HPSE2: variants seen among roughly 807,000 people sequenced by gnomAD.
HPSE2 encodes the protein heparanase 2 (inactive).
In HPSE2, 38 loss-of-function variants were observed where a neutral mutation model predicts 60.5. That is an observed-to-expected ratio of 0.63 (90% confidence interval 0.48 to 0.82). The LOEUF is 0.82. Among genes scored for constraint, HPSE2 ranks in the 40% least tolerant of loss-of-function variants. HPSE2 has a pLI of 0.00. For missense variants in HPSE2, 713 were observed against 740.4 expected (o/e 0.96, Z 0.43); for synonymous variants, 295 against 293.2 (o/e 1.01, Z -0.06).
At position 98,936,237 on chromosome 10, in the gene HPSE2, G is replaced by A. The variant is rs983856872; in HGVS notation, c.611-192181C>T. ...AAGCCAGTGGTTCTTAGCTTGCTAGGCTCCATGGGAGTGGGACCCACTGAG... is the reference window on the plus strand; with the variant it reads ...AAGCCAGTGGTTCTTAGCTTGCTAGACTCCATGGGAGTGGGACCCACTGAG... On this transcript the variant is annotated intron_variant, in intron 3 of 11. Transcript: ENST00000370552. Among the ~76,000 whole-genome samples, 25 of 144,280 alleles carry A rather than the reference G, an allele frequency of 1.7e-4. 7 individuals are homozygous for A. The highest frequency in any genetic ancestry group is 7.0e-4 in the African/African-American group (25 of 35,588). 94.7% of individuals were successfully genotyped at this position (144,280 alleles called of 152,430 possible).
chr10:98,792,020 C>T (rs1035965108), intron 3 of HPSE2, among the ~76,000 whole-genome samples: 18 of 152,186 alleles, frequency 1.2e-4, no homozygotes, highest in East Asian at 1.9e-4. Flanking sequence ...ACCTGTCTCC[C>T]GAACAGCATG....
chr10:98,891,596 T>C (rs1316355289), intron 3 of HPSE2, among the ~76,000 whole-genome samples: 2 of 151,820 alleles, frequency 1.3e-5, no homozygotes, highest in Non-Finnish European at 2.9e-5. Flanking sequence ...CTATTAGGCA[T>C]GTACCACCAT....
the HPSE2 span, among the ~76,000 whole-genome samples, chr10:99,247,066 A>C: frequency 3.3e-5 from 5 of 152,344 alleles, no homozygotes; most frequent in Admixed American, 6.5e-5. Flanking sequence ...TTTAGAGAGT[A>C]GGAAGTATCT....
At chr10:98,676,567 C>A (rs1386241010) in intron 6 of HPSE2, among the ~76,000 whole-genome samples, 1 of 152,086 alleles carries the variant, frequency 6.6e-6, no homozygotes, top group Non-Finnish European at 1.5e-5. Context: ...TAACTGATGA[C>A]CTGCAGTGAA....
rs562946052 is a variant in HPSE2 at position 99,169,504 on chromosome 10, C to CAAAAAA, written c.449-25111_449-25106dup. The stretch of plus-strand genomic sequence containing the variant: ...TGGGTGACAGAGCAAGACTCCGTCT[C>CAAAAAA]AAAAAAAAAAAAAAAAAAAAAAAAA... On this transcript the variant is annotated intron_variant, in intron 2 of 11. Transcript: ENST00000370552. Among the ~76,000 whole-genome samples, 17 of 54,732 alleles carry CAAAAAA rather than the reference C, an allele frequency of 3.1e-4. 1 individual carries two copies. The highest frequency in any genetic ancestry group is 2.1e-3 in the East Asian group (3 of 1,424). The allele number at this position is 54,732 out of a possible 152,430, so 35.9% of individuals were successfully genotyped here.
intron 3 of HPSE2, among the ~76,000 whole-genome samples, chr10:98,935,216 A>G (rs971859293): frequency 1.4e-5 from 2 of 142,446 alleles, no homozygotes; most frequent in Admixed American, 7.0e-5. Flanking sequence ...GCTTCTTTGC[A>G]TTGGGTTAGA....
intron 3 of HPSE2, among the ~76,000 whole-genome samples, chr10:98,957,073 C>A (rs1453412935): frequency 6.6e-6 from 1 of 152,076 alleles, no homozygotes; most frequent in Admixed American, 6.6e-5. Flanking sequence ...TGTTGCATAC[C>A]AACATGTTCT....
chr10:99,076,655 T>C (rs1842959609), intron 3 of HPSE2, among the ~76,000 whole-genome samples: 1 of 152,210 alleles, frequency 6.6e-6, no homozygotes, highest in Non-Finnish European at 1.5e-5. Flanking sequence ...CCCAAAGTAC[T>C]GGGATTACAG....
chr10:98,882,611 A>G (rs960634791), intron 3 of HPSE2, among the ~76,000 whole-genome samples: 2 of 152,102 alleles, frequency 1.3e-5, no homozygotes, highest in African/African-American at 4.8e-5. Context: ...TTTTCATTAT[A>G]TCACTTCTGC....
chr10:98,517,918 T>G (rs581671), intron 9 of HPSE2, among the ~76,000 whole-genome samples: 146,626 of 152,292 alleles, frequency 0.96, 70,816 homozygotes, highest in East Asian at 1. Context: ...GGCCTGGTTG[T>G]TACAACCAGT....
intron 3 of HPSE2, among the ~76,000 whole-genome samples, chr10:99,014,149 C>T (rs1031994351): frequency 2.0e-5 from 3 of 152,208 alleles, no homozygotes; most frequent in African/African-American, 4.8e-5. Flanking sequence ...CCTGCTACTG[C>T]CACACACTCA....
rs1202184595 is a variant in HPSE2, at chr10:98,806,012, G to T, written c.611-61956C>A. ...GAATAAGCAAGAAGCTCTGCAACAT[G>T]AATTTAAATAGTCGACTGAATCATA... On this transcript the variant is annotated intron_variant, in intron 3 of 11. Coordinates refer to ENST00000370552, the MANE Select transcript of HPSE2 (RefSeq NM_021828.5). 5.3e-5 allele frequency among the ~76,000 whole-genome samples: 8 copies of T among 152,252 alleles called. No individual in the cohort carries two copies. In the South Asian group the frequency reaches 1.5e-3, roughly 28 times the overall value.
intron 3 of HPSE2, among the ~76,000 whole-genome samples, chr10:99,062,534 T>C (rs1589596336): frequency 6.6e-6 from 1 of 152,102 alleles, no homozygotes; most frequent in East Asian, 1.9e-4. Context: ...TTTTCTCTAC[T>C]TGCCATCTCT....
intron 3 of HPSE2, among the ~76,000 whole-genome samples, chr10:98,996,901 ACT>A (rs902634359): frequency 2.1e-4 from 32 of 152,152 alleles, no homozygotes; most frequent in Admixed American, 6.5e-4. Flanking sequence ...GCATAAGGAA[ACT>A]CTCTGGGAAT....
intron 3 of HPSE2, among the ~76,000 whole-genome samples, chr10:99,133,326 A>G (rs1375608719): frequency 6.6e-6 from 1 of 152,176 alleles, no homozygotes; most frequent in Non-Finnish European, 1.5e-5. Flanking sequence ...GCAAACTTAA[A>G]TGTCCCTGCC....
intron 2 of HPSE2, among the ~76,000 whole-genome samples, chr10:99,218,107 C>T (rs919554484): frequency 1.3e-5 from 2 of 151,742 alleles, no homozygotes; most frequent in Non-Finnish European, 2.9e-5. Context: ...CCTGGAAACC[C>T]GGAAATGAAT....
intron 3 of HPSE2, among the ~76,000 whole-genome samples, chr10:98,984,874 T>A (rs1956299945): frequency 6.6e-6 from 1 of 152,088 alleles, no homozygotes; most frequent in African/African-American, 2.4e-5. Flanking sequence ...TTCGATCAAC[T>A]GGAAGAAAGG....
At chr10:98,674,221 A>G (rs898326331) in intron 6 of HPSE2, among the ~76,000 whole-genome samples, 8 of 152,348 alleles carry the variant, frequency 5.3e-5, no homozygotes, top group African/African-American at 1.9e-4. Flanking sequence ...TACTACACAA[A>G]ACACTAATGT....
chr10:98,933,510 T>A lies in HPSE2; in HGVS notation c.611-189454A>T, dbSNP rs775712383. On this transcript the variant is annotated intron_variant, in intron 3 of 11. Coordinates refer to ENST00000370552, the MANE Select transcript of HPSE2 (RefSeq NM_021828.5). ...TGAGTTCAAGTCCTGGATATCTTTG[T>A]TAATTTTCTGTCTCAATGATCTGTC... 4.2e-5 allele frequency among the ~76,000 whole-genome samples: 6 copies of A among 143,874 alleles called. 1 individual carries two copies. The highest frequency in any genetic ancestry group is 7.1e-3 in the Middle Eastern group (2 of 280). 94.4% of individuals were successfully genotyped at this position (143,874 alleles called of 152,430 possible). A position where few individuals can be genotyped will look rare whatever the true frequency, so the allele number is the denominator to read the frequency against.
Sources: allele counts gnomAD v4.1 joint callset (sites outside exome capture counted in the v4.1 genomes callset), GRCh38; gene constraint gnomAD v4.1.1; transcripts MANE v1.5; gene names NCBI Gene and HGNC (gene_info 2026-07-23, HGNC 2026-07-21).